Variants in ANKRD10 observed in about 807,000 individuals in gnomAD.
The protein encoded by ANKRD10 is ankyrin repeat domain-containing protein 10.
A neutral mutation model predicts 27.0 loss-of-function variants in ANKRD10; 14 were observed. The observed-to-expected ratio is 0.52, with a 90% CI of 0.34 to 0.81. The LOEUF (loss-of-function observed/expected upper bound fraction) is 0.81, where lower values mean the gene tolerates loss of function less well. Among genes scored for constraint, ANKRD10 ranks in the 40% least tolerant of loss-of-function variants. The probability of loss-of-function intolerance (pLI) is 0.01; values close to 1 mark genes in which losing one functional copy is unlikely to be tolerated. For synonymous variants in ANKRD10, 250 were observed against 224.5 expected (o/e 1.11, Z -1.01); for missense variants, 493 against 544.0 (o/e 0.91, Z 0.93).
chr13:110,889,954 C>T (rs1290701204), intron 4 of ANKRD10, among the ~76,000 whole-genome samples: 2 of 151,996 alleles, frequency 1.3e-5, no homozygotes, highest in Non-Finnish European at 2.9e-5. Flanking sequence ...CCAAACAAAA[C>T]AAAAAACCCA....
chr13:110,908,656 G>C (rs943058646), intron 2 of ANKRD10, among the ~76,000 whole-genome samples: 13 of 152,206 alleles, frequency 8.5e-5, no homozygotes, highest in African/African-American at 3.1e-4. Context: ...ACCTGGAGAT[G>C]AGTCAGCAGG....
At chr13:110,895,807 C>G (rs1356077355) in intron 3 of ANKRD10, among the ~76,000 whole-genome samples, 1 of 152,128 alleles carries the variant, frequency 6.6e-6, no homozygotes, top group African/African-American at 2.4e-5. Flanking sequence ...ATAGTGCCAA[C>G]ATATGGAGAT....
At chr13:110,914,670 C>G in intron 1 of ANKRD10, 55 bp downstream of exon 1, 1 of 1,514,892 alleles carries the variant, frequency 6.6e-7, no homozygotes, top group Non-Finnish European at 8.9e-7. Flanking sequence ...ACCCGCTTTC[C>G]CCGACTCCCA....
At chr13:110,891,263 A>C (rs528788491) in intron 4 of ANKRD10, among the ~76,000 whole-genome samples, 65 of 152,360 alleles carry the variant, frequency 4.3e-4, no homozygotes, top group African/African-American at 1.5e-3. Flanking sequence ...AGGAAATGAC[A>C]AAGGATTTTT....
chr13:110,892,436 A>AAAAT (rs1555321016), intron 4 of ANKRD10, among the ~76,000 whole-genome samples: 2 of 144,470 alleles, frequency 1.4e-5, no homozygotes, highest in Non-Finnish European at 3.1e-5. Context: ...AAAAAAAAAA[A>AAAAT]TGGTGGGAGA....
chr13:110,888,489 A>G (rs2064993035), intron 4 of ANKRD10, among the ~76,000 whole-genome samples: 1 of 152,130 alleles, frequency 6.6e-6, no homozygotes, highest in African/African-American at 2.4e-5. Flanking sequence ...TGCAAATTTG[A>G]AAACAGTGAG....
At chr13:110,913,325 G>A (rs2065775304) in intron 1 of ANKRD10, among the ~76,000 whole-genome samples, 1 of 152,180 alleles carries the variant, frequency 6.6e-6, no homozygotes, top group Non-Finnish European at 1.5e-5. Context: ...GACTGCCTCG[G>A]GAAATCTATT....
chr13:110,892,416 C>CCAAAAA (rs767040954), intron 4 of ANKRD10, among the ~76,000 whole-genome samples: 5 of 19,550 alleles, frequency 2.6e-4, no homozygotes, highest in Non-Finnish European at 3.0e-4. Flanking sequence ...GGTGACAGAG[C>CCAAAAA]AAAAAAAAAA....
chr13:110,897,149 C>CA (rs2065247951), intron 3 of ANKRD10, among the ~76,000 whole-genome samples: 1 of 151,936 alleles, frequency 6.6e-6, no homozygotes, highest in Non-Finnish European at 1.5e-5. Context: ...TTTAAAGAGA[C>CA]AGAGTATCTC....
At chr13:110,910,855 G>T in intron 1 of ANKRD10, 85 bp from the exon 2 acceptor site, 1 of 1,339,166 alleles carries the variant, frequency 7.5e-7, no homozygotes, top group Non-Finnish European at 1.0e-6. Flanking sequence ...ATTCTATAAT[G>T]GTGACAAATG....
intron 3 of ANKRD10, among the ~76,000 whole-genome samples, chr13:110,896,995 AC>A (rs892488635): frequency 1.3e-5 from 2 of 149,124 alleles, no homozygotes; most frequent in East Asian, 2.0e-4. Context: ...ATTAAAAAAA[AC>A]CAGCATAATT....
At position 110,878,803 on chromosome 13, in the gene ANKRD10, G is replaced by C. The variant is rs2099467490; in HGVS notation, c.*834C>G. 6.6e-6 allele frequency: 1 copy of C among 152,570 alleles called. No individual in the cohort carries two copies. The highest frequency in any genetic ancestry group is 2.1e-4 in the South Asian group (1 of 4,826). The allele number at this position is 152,570 out of a possible 1,614,324, so 9.5% of individuals were successfully genotyped here. ...TCTCTCAGTTAACTGGATATACATA[G>C]TGGTATATATCTTAAAGCAGAAAAC... On this transcript the variant is annotated 3_prime_UTR_variant, in exon 6 of 6. Coordinates refer to ENST00000267339, the MANE Select transcript of ANKRD10 (RefSeq NM_017664.4).
chr13:110,907,715 G>A (rs1044964433), intron 2 of ANKRD10, among the ~76,000 whole-genome samples: 9 of 152,156 alleles, frequency 5.9e-5, no homozygotes, highest in Admixed American at 2.6e-4. Flanking sequence ...AGTCAACTCG[G>A]ATTTTTTAAA....
intron 5 of ANKRD10, among the ~76,000 whole-genome samples, chr13:110,882,063 C>T (rs541907173): frequency 6.6e-6 from 1 of 152,266 alleles, no homozygotes; most frequent in Non-Finnish European, 1.5e-5. Context: ...CAAGATCCTA[C>T]TTCTCTTCCA....
chr13:110,885,290 T>C (rs544061403), intron 4 of ANKRD10, among the ~76,000 whole-genome samples: 4 of 151,778 alleles, frequency 2.6e-5, no homozygotes, highest in Non-Finnish European at 4.4e-5. Flanking sequence ...TGGTGGCTCA[T>C]GCCTGTAATC....
chr13:110,910,791 A>G, intron 1 of ANKRD10, 21 bp from the exon 2 acceptor site: 1 of 1,609,494 alleles, frequency 6.2e-7, no homozygotes, highest in Non-Finnish European at 8.5e-7. Context: ...AAGAGGGGTA[A>G]TGAAAACACG....
chr13:110,914,977 G>A lies in ANKRD10; in HGVS notation c.-43C>T. On this transcript the variant is annotated 5_prime_UTR_variant, in exon 1 of 6. Transcript: ENST00000267339. ...CGCGGGGCTCGCTGGCCTAGAGGAC[G>A]CGTCGGGGAGGACTCGAGAAGCCGC... The A allele has an allele frequency of 6.6e-7, 1 of 1,508,602 alleles. No individual in the cohort carries two copies. Among genetic ancestry groups the A allele is most frequent in the African/African-American group, 1.4e-5 (1 of 72,084 alleles). The allele number at this position is 1,508,602 out of a possible 1,614,324, so 93.5% of individuals were successfully genotyped here.
chr13:110,914,546 A>T, intron 1 of ANKRD10, 179 bp downstream of exon 1: 1 of 840,666 alleles, frequency 1.2e-6, no homozygotes, highest in Non-Finnish European at 1.6e-6. Flanking sequence ...CCCCGCCGCG[A>T]CTCCGGGCCG....
At chr13:110,900,650 T>A in intron 3 of ANKRD10, 1 of 1,352,034 alleles carries the variant, frequency 7.4e-7, no homozygotes, top group African/African-American at 1.5e-5. Context: ...ATGCTCCCCC[T>A]TTCTAGGATT....
Sources: allele counts gnomAD v4.1 joint callset (sites outside exome capture counted in the v4.1 genomes callset), GRCh38; gene constraint gnomAD v4.1.1; transcripts MANE v1.5; gene names NCBI Gene and HGNC (gene_info 2026-07-23, HGNC 2026-07-21).